DOK6: variants seen among roughly 807,000 people sequenced by gnomAD.
DOK6 encodes docking protein 6.
DOK6 carries 22 observed loss-of-function variants against 44.0 expected under a neutral mutation model. The observed-to-expected ratio is 0.50, with a 90% confidence interval of 0.36 to 0.71. The LOEUF (loss-of-function observed/expected upper bound fraction) is 0.71. Among genes scored for constraint, DOK6 ranks in the 30% least tolerant of loss-of-function variants. DOK6 has a pLI of 0.00. For missense variants in DOK6, 340 were observed against 416.4 expected (o/e 0.82, Z 1.60); for synonymous variants, 166 against 145.5 (o/e 1.14, Z -1.01).
At chr18:69,676,040 G>A (rs1249326318) in intron 3 of DOK6, among the ~76,000 whole-genome samples, 1 of 152,160 alleles carries the variant, frequency 6.6e-6, no homozygotes, top group Non-Finnish European at 1.5e-5. Flanking sequence ...CTAAGGAAAT[G>A]CCTGAGCAGC....
intron 3 of DOK6, among the ~76,000 whole-genome samples, chr18:69,626,976 A>T (rs1238300770): frequency 6.6e-6 from 1 of 152,206 alleles, no homozygotes; most frequent in Non-Finnish European, 1.5e-5. Context: ...GGTCAGGCCT[A>T]GAGGTACCTA....
rs1365762458 is a variant in DOK6, at chr18:69,841,465, A to T, written c.*82A>T. On this transcript the variant is annotated 3_prime_UTR_variant, in exon 8 of 8. Transcript: ENST00000382713. Reference sequence around the variant, plus strand: ...GTCATTACCCTCTGCCTCCTGGAAGACCAATTGCAGTACAAATTGAAATGG... The same window carrying T: ...GTCATTACCCTCTGCCTCCTGGAAGTCCAATTGCAGTACAAATTGAAATGG... 5 of 1,566,210 alleles carry T rather than the reference A, an allele frequency of 3.2e-6. No individual in the cohort carries two copies. The highest frequency in any genetic ancestry group is 3.5e-6 in the Non-Finnish European group (4 of 1,153,828).
intron 1 of DOK6, among the ~76,000 whole-genome samples, chr18:69,437,499 T>C (rs1240375108): frequency 6.6e-6 from 1 of 152,152 alleles, no homozygotes; most frequent in African/African-American, 2.4e-5. Context: ...AGTCCTCTGT[T>C]CTGTTCAGTT....
intron 5 of DOK6, among the ~76,000 whole-genome samples, chr18:69,718,166 G>A (rs972515628): frequency 6.6e-6 from 1 of 152,170 alleles, no homozygotes; most frequent in African/African-American, 2.4e-5. Flanking sequence ...GGGTGGATTC[G>A]CCTATTCTTG....
chr18:69,837,224 G>A (rs989943059), intron 7 of DOK6, among the ~76,000 whole-genome samples: 18 of 152,168 alleles, frequency 1.2e-4, no homozygotes, highest in African/African-American at 3.1e-4. Context: ...TCTGGAGACC[G>A]GGAAGTCCAA....
intron 7 of DOK6, among the ~76,000 whole-genome samples, chr18:69,830,884 T>C (rs1405741458): frequency 6.6e-6 from 1 of 152,208 alleles, no homozygotes; most frequent in Non-Finnish European, 1.5e-5. Flanking sequence ...TCTGACTTCT[T>C]CTGCACTATC....
chr18:69,545,858 CTT>C (rs934246518), intron 1 of DOK6, among the ~76,000 whole-genome samples: 3 of 151,338 alleles, frequency 2.0e-5, no homozygotes, highest in African/African-American at 7.3e-5. Flanking sequence ...AGTACATTCT[CTT>C]ATAAAAATGA....
chr18:69,514,797 C>G (rs982420230), intron 1 of DOK6, among the ~76,000 whole-genome samples: 3 of 150,858 alleles, frequency 2.0e-5, no homozygotes, highest in Admixed American at 2.0e-4. Flanking sequence ...CATGCTACCT[C>G]CTACTTTGTA....
At chr18:69,549,095 C>A (rs867603339) in intron 1 of DOK6, among the ~76,000 whole-genome samples, 147 of 132,350 alleles carry the variant, frequency 1.1e-3, no homozygotes, top group East Asian at 2.2e-3. Flanking sequence ...GACTCCGTCT[C>A]AAAAAAAAAA....
chr18:69,558,287 T>C (rs773673951), intron 1 of DOK6, among the ~76,000 whole-genome samples: 4 of 152,150 alleles, frequency 2.6e-5, no homozygotes, highest in Non-Finnish European at 4.4e-5. Context: ...GCTTATTTTA[T>C]ACTTCTGGTA....
intron 1 of DOK6, among the ~76,000 whole-genome samples, chr18:69,530,933 T>C (rs1981967748): frequency 6.6e-6 from 1 of 152,192 alleles, no homozygotes. Context: ...ACTTGCTTTA[T>C]AAATCTGGGT....
intron 3 of DOK6, among the ~76,000 whole-genome samples, chr18:69,632,574 C>G (rs1325376491): frequency 6.6e-6 from 1 of 152,106 alleles, no homozygotes; most frequent in African/African-American, 2.4e-5. Context: ...ATATTTAAGT[C>G]ACCTGGTGGC....
chr18:69,699,947 A>G (rs1986475585), intron 5 of DOK6, among the ~76,000 whole-genome samples: 1 of 152,120 alleles, frequency 6.6e-6, no homozygotes, highest in Admixed American at 6.5e-5. Flanking sequence ...CCTCACAGTC[A>G]TGGCAGAAGG....
intron 3 of DOK6, among the ~76,000 whole-genome samples, chr18:69,674,240 T>G (rs964267288): frequency 6.6e-6 from 1 of 152,182 alleles, no homozygotes; most frequent in Non-Finnish European, 1.5e-5. Flanking sequence ...AAACCAAAGC[T>G]TTGTCTAAAA....
intron 7 of DOK6, among the ~76,000 whole-genome samples, chr18:69,762,149 G>GCATACATACATA (rs60739609): frequency 2.7e-5 from 3 of 110,732 alleles, no homozygotes; most frequent in African/African-American, 1.1e-4. Context: ...ATCTCTGCAT[G>GCATACATACATA]CATACATACA....
intron 1 of DOK6, among the ~76,000 whole-genome samples, chr18:69,427,933 A>T (rs903771377): frequency 6.6e-6 from 1 of 152,046 alleles, no homozygotes; most frequent in Non-Finnish European, 1.5e-5. Flanking sequence ...GCCCACCACC[A>T]CACCCAGCTA....
chr18:69,641,191 G>T (rs1045989323), intron 3 of DOK6, among the ~76,000 whole-genome samples: 7 of 151,220 alleles, frequency 4.6e-5, no homozygotes, highest in Non-Finnish European at 1.0e-4. Flanking sequence ...CTCCAGCCTG[G>T]TGACAGAGCA....
At chr18:69,532,724 T>G (rs1038706898) in intron 1 of DOK6, 1 of 152,242 alleles carries the variant, frequency 6.6e-6, no homozygotes, top group Non-Finnish European at 1.5e-5. Context: ...TAGCTGGACA[T>G]GGTGTTCCTC....
At chr18:69,404,811 G>A (rs1291410731) in intron 1 of DOK6, among the ~76,000 whole-genome samples, 3 of 146,386 alleles carry the variant, frequency 2.0e-5, no homozygotes. Flanking sequence ...GTGTGTGTGT[G>A]TGTATTCAGG....
Sources: gnomAD v4.1 joint callset for allele counts (sites outside exome capture counted in the v4.1 genomes callset) on GRCh38, gnomAD v4.1.1 for gene constraint, MANE v1.5 for transcripts, NCBI Gene and HGNC (gene_info 2026-07-23, HGNC 2026-07-21) for gene names.